The following RGS9 variants were observed in gnomAD, a reference collection of about 807,000 sequenced individuals.
RGS9 encodes regulator of G protein signaling 9.
A neutral mutation model predicts 102.0 loss-of-function variants in RGS9; 78 were observed. That is an observed-to-expected ratio of 0.76 (90% CI 0.64 to 0.92). The LOEUF (loss-of-function observed/expected upper bound fraction) is 0.92, where lower values mean the gene tolerates loss of function less well. Ranked by LOEUF, RGS9 falls within the 40% of genes least tolerant of loss-of-function variation. RGS9 has a pLI of 0.00. For missense variants in RGS9, 833 were observed against 866.1 expected (o/e 0.96, Z 0.48); for synonymous variants, 353 against 318.6 (o/e 1.11, Z -1.15).
At chr17:65,171,195 A>G (rs1351022064) in intron 8 of RGS9, among the ~76,000 whole-genome samples, 1 of 152,176 alleles carries the variant, frequency 6.6e-6, no homozygotes, top group Admixed American at 6.5e-5. Context: ...TCATTGATCC[A>G]TGAAATCTTC....
chr17:65,204,058 C>A, intron 14 of RGS9, 105 bp from the exon 15 acceptor site: 1 of 1,384,298 alleles, frequency 7.2e-7, no homozygotes, highest in South Asian at 1.2e-5. Flanking sequence ...CCACCCTCAC[C>A]CTCGGTAACC....
At chr17:65,199,977 T>G (rs1912762028) in intron 13 of RGS9, among the ~76,000 whole-genome samples, 1 of 152,222 alleles carries the variant, frequency 6.6e-6, no homozygotes, top group Non-Finnish European at 1.5e-5. Flanking sequence ...TACATATTTT[T>G]GTGTGCTCAT....
chr17:65,163,731 G>A (rs1207642325), intron 7 of RGS9, among the ~76,000 whole-genome samples: 1 of 152,164 alleles, frequency 6.6e-6, no homozygotes. Flanking sequence ...GGAGGAAGAG[G>A]AGAGGTGTGG....
intron 13 of RGS9, among the ~76,000 whole-genome samples, chr17:65,198,595 C>A (rs1312747195): frequency 6.6e-6 from 1 of 152,190 alleles, no homozygotes; most frequent in Non-Finnish European, 1.5e-5. Context: ...GGAGAAGCAT[C>A]CACAAAAAAA....
chr17:65,205,173 G>A lies in RGS9; in HGVS notation c.1203+872G>A, dbSNP rs781118142. Among the ~76,000 whole-genome samples the A allele has an allele frequency of 3.3e-5, 5 of 152,126 alleles. 1 individual carries two copies. Among genetic ancestry groups the A allele is most frequent in the African/African-American group, 7.2e-5 (3 of 41,428 alleles). Reference sequence around the variant, plus strand: ...ATCATTTTCTTAAGAAACTAGAATCGGAGGCTCAGAGTTAGCCTTAAAGAA... The same window carrying A: ...ATCATTTTCTTAAGAAACTAGAATCAGAGGCTCAGAGTTAGCCTTAAAGAA... On this transcript the variant is annotated intron_variant, in intron 15 of 18. Coordinates refer to ENST00000262406, the MANE Select transcript of RGS9 (RefSeq NM_003835.4).
Position 65,210,496 on chromosome 17 carries a change from T to G in RGS9, c.1298T>G (p.Leu433Arg), listed in dbSNP as rs1310939374. 1 of 1,613,224 alleles carries G rather than the reference T, an allele frequency of 6.2e-7. No homozygotes were observed. The highest frequency in any genetic ancestry group is 8.5e-7 in the Non-Finnish European group (1 of 1,179,936). ...TCTGTCCTTCCTTCCAGCTCCACCCTCCCTTTTATGCGGCGTCACCTGCGC... is the reference window on the plus strand; with the variant it reads ...TCTGTCCTTCCTTCCAGCTCCACCCGCCCTTTTATGCGGCGTCACCTGCGC... The part of the protein sequence containing the change: ...PQETTKKSST[L>R]PFMRRHLRSS... Residue 433 changes from leucine (L) to arginine (R), a missense_variant, in exon 17 of 19, where the codon CTC (leucine) becomes CGC (arginine). Leu to Arg is a moderately radical substitution (Grantham distance 102). This residue lies in a region of RGS9 where 185 missense variants were observed against 248.7 expected (regional missense o/e 0.74). Transcript: ENST00000262406.
At chr17:65,194,987 G>A (rs1912530611) in intron 12 of RGS9, among the ~76,000 whole-genome samples, 1 of 152,232 alleles carries the variant, frequency 6.6e-6, no homozygotes, top group Admixed American at 6.5e-5. Context: ...CACTCCTCTG[G>A]AGTCAGGGGT....
Position 65,219,079 on chromosome 17 carries a change from G to A in RGS9, c.1408-5923G>A, listed in dbSNP as rs116930025. Reference sequence around the variant, plus strand: ...TGGGCAGGGCCAGGCAGGGCAGTTCGTTGGTGATCAGGACCAGTGGCCAAC... The same window carrying A: ...TGGGCAGGGCCAGGCAGGGCAGTTCATTGGTGATCAGGACCAGTGGCCAAC... On this transcript the variant is annotated intron_variant, in intron 17 of 18. Coordinates refer to ENST00000262406, the MANE Select transcript of RGS9 (RefSeq NM_003835.4). Among the ~76,000 whole-genome samples, 714 of 152,344 alleles carry A rather than the reference G, an allele frequency of 4.7e-3. 4 individuals are homozygous for A. Among genetic ancestry groups the A allele is most frequent in the East Asian group, 0.024 (125 of 5,194 alleles).
At position 65,227,400 on chromosome 17, in the gene RGS9, G is replaced by A. The variant is rs1905744106; in HGVS notation, c.2018G>A (p.Ser673Asn). ...TEKEVICPWE[S>N]L The stretch of plus-strand genomic sequence containing the variant: ...AAGGAGGTCATCTGCCCCTGGGAGA[G>A]CCTGTAAGGAAAGAGGCAGGCTGAG... The change falls in exon 19 of 19, where the codon AGC (serine) becomes AAC (asparagine). Residue 673 changes from serine to asparagine, a missense_variant. Physicochemically the swap from Ser to Asn is conservative, Grantham distance 46. Around this residue, in one of 3 missense-constraint regions of RGS9, gnomAD observed 320 missense variants for 276.8 expected, o/e 1.16. Transcript: ENST00000262406. 6.2e-7 allele frequency: 1 copy of A among 1,613,562 alleles called. No homozygotes were observed. The highest frequency in any genetic ancestry group is 8.5e-7 in the Non-Finnish European group (1 of 1,179,638).
At chr17:65,157,878 C>T (rs1215639975) in intron 2 of RGS9, among the ~76,000 whole-genome samples, 1 of 152,046 alleles carries the variant, frequency 6.6e-6, no homozygotes, top group African/African-American at 2.4e-5. Context: ...TGGTCCAGAG[C>T]CCTGCAAACA....
intron 11 of RGS9, among the ~76,000 whole-genome samples, chr17:65,190,441 G>A (rs961525695): frequency 2.0e-5 from 3 of 152,172 alleles, no homozygotes; most frequent in African/African-American, 7.2e-5. Context: ...GCAAAATCGA[G>A]CGTAGGTGAG....
At chr17:65,214,026 A>G (rs530134691) in intron 17 of RGS9, among the ~76,000 whole-genome samples, 1 of 152,252 alleles carries the variant, frequency 6.6e-6, no homozygotes, top group South Asian at 2.1e-4. Context: ...CAGTGGTGCA[A>G]TCATGGCTCA....
chr17:65,187,779 C>T (rs1598599266), intron 9 of RGS9, among the ~76,000 whole-genome samples: 1 of 152,156 alleles, frequency 6.6e-6, no homozygotes, highest in Admixed American at 6.5e-5. Flanking sequence ...GGGCGGATCA[C>T]GAGGTCAAGA....
chr17:65,207,204 A>T (rs892893503), intron 15 of RGS9, among the ~76,000 whole-genome samples: 4 of 152,152 alleles, frequency 2.6e-5, no homozygotes, highest in Non-Finnish European at 4.4e-5. Flanking sequence ...AATGGCTTAG[A>T]AGTGGGCTCC....
intron 2 of RGS9, 124 bp from the exon 3 acceptor site, chr17:65,158,171 G>T (rs1023644607): frequency 1.2e-5 from 11 of 894,030 alleles, no homozygotes; most frequent in Non-Finnish European, 2.1e-5. Flanking sequence ...GTTTCTGAAG[G>T]TTCTGAGCGA....
intron 9 of RGS9, among the ~76,000 whole-genome samples, chr17:65,184,012 A>G (rs1428268848): frequency 6.6e-6 from 1 of 152,234 alleles, no homozygotes; most frequent in East Asian, 1.9e-4. Context: ...CCTTAAGCAG[A>G]GTCTTCCTCC....
At chr17:65,189,935 T>G (rs571537317) in intron 10 of RGS9, among the ~76,000 whole-genome samples, 1 of 152,238 alleles carries the variant, frequency 6.6e-6, no homozygotes, top group East Asian at 1.9e-4. Flanking sequence ...TAGAACTTTT[T>G]TTTTTTTCTG....
intron 3 of RGS9, among the ~76,000 whole-genome samples, chr17:65,159,039 A>C (rs1313777965): frequency 6.6e-6 from 1 of 152,116 alleles, no homozygotes; most frequent in South Asian, 2.1e-4. Context: ...ATGACATTCC[A>C]CCACAAAAGA....
At chr17:65,139,279 G>A (rs426851) in intron 1 of RGS9, among the ~76,000 whole-genome samples, 119,077 of 137,588 alleles carry the variant, frequency 0.87, 53,625 homozygotes, top group Non-Finnish European at 0.98. Context: ...CTTCCACCCC[G>A]GTCTCCCCTC....
Sources: allele counts gnomAD v4.1 joint callset (sites outside exome capture counted in the v4.1 genomes callset), GRCh38; gene constraint gnomAD v4.1.1; regional missense constraint gnomAD v4.1.1; transcripts MANE v1.5; gene names NCBI Gene and HGNC (gene_info 2026-07-23, HGNC 2026-07-21).